The following JAZF1 variants were observed in gnomAD, a reference collection of about 807,000 sequenced individuals.
JAZF1 encodes the protein JAZF zinc finger 1.
In JAZF1, 8 loss-of-function variants were observed where a neutral mutation model predicts 26.4. The observed-to-expected ratio is 0.30, with a 90% CI of 0.18 to 0.55. JAZF1 has a LOEUF of 0.55. Among genes scored for constraint, JAZF1 ranks in the 20% least tolerant of loss-of-function variants. JAZF1 has a pLI of 0.94. For missense variants in JAZF1, 199 were observed against 322.0 expected, an observed-to-expected ratio of 0.62 and a Z score of 2.92; for synonymous variants, 126 against 122.3, an observed-to-expected ratio of 1.03 and a Z score of -0.20.
At position 28,120,494 on chromosome 7, in the gene JAZF1, C is replaced by A. The variant is rs9648346; in HGVS notation, c.115+59969G>T. Among the ~76,000 whole-genome samples the A allele has an allele frequency of 1.7e-5, 2 of 119,058 alleles. 1 individual carries two copies. Among genetic ancestry groups the A allele is most frequent in the South Asian group, 5.7e-4 (2 of 3,534 alleles). 78.1% of individuals were successfully genotyped at this position (119,058 alleles called of 152,430 possible). On this transcript the variant is annotated intron_variant, in intron 1 of 4. Coordinates refer to ENST00000283928, the MANE Select transcript of JAZF1 (RefSeq NM_175061.4). Reference sequence around the variant, plus strand: ...GAAGATGTCTGAACCACTAGCCACACACAGTTCTTTTTTTTTTTTTTTTTT... The same window carrying A: ...GAAGATGTCTGAACCACTAGCCACAAACAGTTCTTTTTTTTTTTTTTTTTT...
intron 2 of JAZF1, among the ~76,000 whole-genome samples, chr7:27,906,724 G>C (rs995167803): frequency 6.6e-6 from 1 of 152,140 alleles, no homozygotes; most frequent in African/African-American, 2.4e-5. Context: ...CTTTGGTTTG[G>C]AGACCAATGG....
At chr7:28,147,061 T>A (rs1427173769) in intron 1 of JAZF1, among the ~76,000 whole-genome samples, 1 of 152,048 alleles carries the variant, frequency 6.6e-6, no homozygotes, top group Non-Finnish European at 1.5e-5. Flanking sequence ...TTTCACCATG[T>A]TTGTCAGGCT....
chr7:28,088,968 G>A (rs1038242815), intron 1 of JAZF1, among the ~76,000 whole-genome samples: 5 of 152,010 alleles, frequency 3.3e-5, no homozygotes, highest in South Asian at 2.1e-4. Context: ...TCAGCACTGC[G>A]CATACTCATC....
chr7:28,110,564 AGG>A (rs1784640292), intron 1 of JAZF1, among the ~76,000 whole-genome samples: 1 of 123,618 alleles, frequency 8.1e-6, no homozygotes, highest in African/African-American at 2.9e-5. Context: ...GGAAAGGGAA[AGG>A]AAAAGGGAAA....
At chr7:28,140,884 A>G (rs1347111467) in intron 1 of JAZF1, among the ~76,000 whole-genome samples, 2 of 3,580 alleles carry the variant, frequency 5.6e-4, no homozygotes, top group African/African-American at 2.6e-3. Flanking sequence ...AGAACTTTAC[A>G]TAAGTTCCGT....
chr7:28,175,684 CAG>C (rs1039406141), intron 1 of JAZF1, among the ~76,000 whole-genome samples: 24 of 152,158 alleles, frequency 1.6e-4, no homozygotes, highest in Admixed American at 7.2e-4. Flanking sequence ...AAGGAGGAAA[CAG>C]AGTCAATCGT....
At chr7:27,948,156 G>A (rs1784947398) in intron 2 of JAZF1, among the ~76,000 whole-genome samples, 1 of 152,052 alleles carries the variant, frequency 6.6e-6, no homozygotes, top group African/African-American at 2.4e-5. Context: ...GTCCTGGGGA[G>A]CCTGAAAATC....
In JAZF1 at chr7:27,982,049, C is replaced by T. The variant is rs977638605; in HGVS notation, c.188+9860G>A. Among the ~76,000 whole-genome samples the T allele has an allele frequency of 8.5e-5, 13 of 152,184 alleles. No individual in the cohort carries two copies. In the East Asian group the frequency reaches 1.7e-3, roughly 20 times the overall value. On this transcript the variant is annotated intron_variant, in intron 2 of 4. Transcript: ENST00000283928. Reference sequence around the variant, plus strand: ...TCCAGTCTGCAGCTCCCAGTGTGAGCGATGCAGAACATGGGTGATTTCTGC... The same window carrying T: ...TCCAGTCTGCAGCTCCCAGTGTGAGTGATGCAGAACATGGGTGATTTCTGC...
At chr7:28,084,202 A>C (rs1784179854) in intron 1 of JAZF1, among the ~76,000 whole-genome samples, 1 of 152,174 alleles carries the variant, frequency 6.6e-6, no homozygotes, top group Non-Finnish European at 1.5e-5. Flanking sequence ...AGAGAAGAGA[A>C]AAACCTAACA....
chr7:28,029,060 G>A (rs1783142039), intron 1 of JAZF1, among the ~76,000 whole-genome samples: 1 of 151,994 alleles, frequency 6.6e-6, no homozygotes, highest in South Asian at 2.1e-4. Flanking sequence ...GACATCTTTT[G>A]TTAATATCCA....
chr7:28,000,508 T>G (rs568136205), intron 1 of JAZF1, among the ~76,000 whole-genome samples: 16 of 152,294 alleles, frequency 1.1e-4, no homozygotes, highest in African/African-American at 3.6e-4. Flanking sequence ...TTCTGCAGTC[T>G]AAATCAAGAA....
At chr7:27,875,424 C>T (rs1027027786) in intron 3 of JAZF1, among the ~76,000 whole-genome samples, 1 of 151,996 alleles carries the variant, frequency 6.6e-6, no homozygotes, top group Admixed American at 6.5e-5. Flanking sequence ...GTGAAGCAAA[C>T]CATGACATTC....
intron 3 of JAZF1, among the ~76,000 whole-genome samples, chr7:27,875,508 TC>T (rs1212175601): frequency 6.6e-6 from 1 of 152,074 alleles, no homozygotes; most frequent in Non-Finnish European, 1.5e-5. Context: ...TGGGCATGTT[TC>T]CCCCACCCCA....
chr7:27,900,492 A>G (rs937064057), intron 2 of JAZF1, among the ~76,000 whole-genome samples: 1 of 152,226 alleles, frequency 6.6e-6, no homozygotes. Flanking sequence ...GTAGCTTGAA[A>G]TTGGCTATGG....
intron 2 of JAZF1, among the ~76,000 whole-genome samples, chr7:27,947,855 C>T (rs1353233611): frequency 6.6e-6 from 1 of 152,174 alleles, no homozygotes; most frequent in Non-Finnish European, 1.5e-5. Flanking sequence ...CTTGAGCTGG[C>T]TGGAGACGGA....
intron 1 of JAZF1, among the ~76,000 whole-genome samples, chr7:28,030,678 T>C (rs1220096539): frequency 1.3e-5 from 2 of 152,262 alleles, no homozygotes; most frequent in Non-Finnish European, 2.9e-5. Flanking sequence ...CTATTTATAA[T>C]GTGAAGTACA....
In JAZF1 at chr7:27,941,884, A is replaced by G. The variant is rs11974015; in HGVS notation, c.189-46468T>C. ...CGGCCCACAGGAGGGAAGCTGCTGG[A>G]AAGTGGGGTAAGGGGGAGGGGACAG... On this transcript the variant is annotated intron_variant, in intron 2 of 4. Coordinates refer to ENST00000283928, the MANE Select transcript of JAZF1 (RefSeq NM_175061.4). Among the ~76,000 whole-genome samples the G allele has an allele frequency of 3.0e-3, 464 of 152,288 alleles. 3 individuals carry two copies. The highest frequency in any genetic ancestry group is 0.011 in the African/African-American group (446 of 41,558).
intron 2 of JAZF1, among the ~76,000 whole-genome samples, chr7:27,977,054 T>C (rs893911898): frequency 6.6e-6 from 1 of 152,228 alleles, no homozygotes; most frequent in Non-Finnish European, 1.5e-5. Context: ...AACATGTTTA[T>C]AATGGCTACT....
At chr7:27,892,725 A>G (rs533538241) in intron 3 of JAZF1, among the ~76,000 whole-genome samples, 52 of 152,236 alleles carry the variant, frequency 3.4e-4, no homozygotes, top group Non-Finnish European at 6.5e-4. Flanking sequence ...AAAATAAAAT[A>G]TAAGGGAAAC....
Sources: allele counts gnomAD v4.1 joint callset (sites outside exome capture counted in the v4.1 genomes callset), GRCh38; gene constraint gnomAD v4.1.1; transcripts MANE v1.5; gene names NCBI Gene and HGNC (gene_info 2026-07-23, HGNC 2026-07-21).